GPAT3: variants seen among roughly 807,000 people sequenced by gnomAD.
GPAT3 encodes the protein glycerol-3-phosphate acyltransferase 3, also known as 1-AGP acyltransferase 9.
Under a neutral mutation model 58.8 loss-of-function variants are expected in GPAT3, and 53 were observed. The observed-to-expected ratio is 0.90, with a 90% CI of 0.72 to 1.13. The LOEUF is 1.13. GPAT3 is among the 50% of genes most tolerant of loss of function. The pLI is 0.00. For missense variants in GPAT3, 511 were observed against 527.6 expected, an observed-to-expected ratio of 0.97 and a Z score of 0.31; for synonymous variants, 197 against 187.4, an observed-to-expected ratio of 1.05 and a Z score of -0.42.
intron 3 of GPAT3, among the ~76,000 whole-genome samples, chr4:83,585,040 G>T (rs539419944): frequency 6.6e-6 from 1 of 152,084 alleles, no homozygotes; most frequent in African/African-American, 2.4e-5. Flanking sequence ...TTTAATGGAT[G>T]GGAACAAGTG....
At chr4:83,557,038 A>G (rs895617691) in intron 2 of GPAT3, among the ~76,000 whole-genome samples, 2 of 152,186 alleles carry the variant, frequency 1.3e-5, no homozygotes, top group South Asian at 4.1e-4. Flanking sequence ...CAATAGTCCC[A>G]TTCATGAGGG....
At chr4:83,546,779 A>G (rs746126751) in intron 2 of GPAT3, among the ~76,000 whole-genome samples, 46 of 152,190 alleles carry the variant, frequency 3.0e-4, no homozygotes, top group Non-Finnish European at 4.0e-4. Flanking sequence ...TAGGTGCATA[A>G]GCAAAGGACA....
chr4:83,580,791 AT>A (rs1726083595), intron 2 of GPAT3, among the ~76,000 whole-genome samples: 1 of 152,110 alleles, frequency 6.6e-6, no homozygotes, highest in Non-Finnish European at 1.5e-5. Flanking sequence ...TTCTTATTAA[AT>A]AATTTTCATA....
chr4:83,562,453 T>C (rs946989048), intron 2 of GPAT3, among the ~76,000 whole-genome samples: 6 of 150,956 alleles, frequency 4.0e-5, no homozygotes, highest in African/African-American at 1.5e-4. Flanking sequence ...AGGATGTGTG[T>C]GGGAGAAGTG....
intron 2 of GPAT3, among the ~76,000 whole-genome samples, chr4:83,564,649 C>T (rs375530215): frequency 1.3e-4 from 20 of 151,792 alleles, no homozygotes; most frequent in African/African-American, 4.3e-4. Context: ...CAGTGAGCTG[C>T]GATCACACCA....
At chr4:83,553,626 C>T (rs1240483629) in intron 2 of GPAT3, among the ~76,000 whole-genome samples, 15 of 152,040 alleles carry the variant, frequency 9.9e-5, no homozygotes, top group Non-Finnish European at 1.3e-4. Context: ...AGGCCGGGCA[C>T]GGTGGCTCAT....
rs781332983 is a variant in GPAT3, at chr4:83,581,604, C to G, written c.251C>G (p.Ser84Cys). The change falls in exon 3 of 12, where the codon TCT (serine) becomes TGT (cysteine). Residue 84 changes from serine to cysteine, a missense_variant. Coordinates refer to ENST00000264409, the MANE Select transcript of GPAT3 (RefSeq NM_032717.5). ...RDESPMEKGL[S>C]GLRGRDFELS... Reference sequence around the variant, plus strand: ...GAGTCACCCATGGAAAAAGGGCTCTCTGGTCTACGAGGAAGGGACTTTGAG... The same window carrying G: ...GAGTCACCCATGGAAAAAGGGCTCTGTGGTCTACGAGGAAGGGACTTTGAG... The G allele has an allele frequency of 4.3e-6, 7 of 1,614,016 alleles. No individual in the cohort carries two copies. In the Admixed American group the frequency reaches 8.3e-5, roughly 19 times the overall value.
At chr4:83,597,917 A>T in intron 9 of GPAT3, 134 bp from the exon 10 acceptor site, 1 of 1,029,850 alleles carries the variant, frequency 9.7e-7, no homozygotes, top group Middle Eastern at 3.2e-4. Flanking sequence ...TTTTTTGATA[A>T]ATTCCATCAA....
chr4:83,594,042 A>G (rs1004705606), intron 6 of GPAT3, among the ~76,000 whole-genome samples: 1 of 152,140 alleles, frequency 6.6e-6, no homozygotes, highest in Non-Finnish European at 1.5e-5. Flanking sequence ...TTCTTTTTGT[A>G]GAGATAAACA....
At chr4:83,564,043 T>C (rs1281627696) in intron 2 of GPAT3, among the ~76,000 whole-genome samples, 1 of 152,174 alleles carries the variant, frequency 6.6e-6, no homozygotes, top group African/African-American at 2.4e-5. Flanking sequence ...AGCAATAGGA[T>C]TGCTCTGTCA....
Position 83,536,600 on chromosome 4 carries a change from C to T in GPAT3, c.-23C>T. ...GCGCTCGGCCCTCCACTGCGGACCTCTCCTGAGTGGGTGCGCCGAGTCATG... is the reference window on the plus strand; with the variant it reads ...GCGCTCGGCCCTCCACTGCGGACCTTTCCTGAGTGGGTGCGCCGAGTCATG... On this transcript the variant is annotated 5_prime_UTR_variant, in exon 1 of 12. Coordinates refer to ENST00000264409, the MANE Select transcript of GPAT3 (RefSeq NM_032717.5). The T allele has an allele frequency of 6.2e-7, 1 of 1,609,590 alleles. No homozygotes were observed.
At chr4:83,582,128 A>G (rs1022303563) in intron 3 of GPAT3, among the ~76,000 whole-genome samples, 26 of 151,344 alleles carry the variant, frequency 1.7e-4, no homozygotes, top group South Asian at 2.1e-4. Context: ...GAAGAAGAAG[A>G]AGAGGAAGAG....
chr4:83,537,589 A>ATGTGTGTGTGTG (rs1491311222), intron 1 of GPAT3, among the ~76,000 whole-genome samples: 10 of 125,392 alleles, frequency 8.0e-5, no homozygotes, highest in Admixed American at 2.5e-4. Flanking sequence ...TATATGTATA[A>ATGTGTGTGTGTG]TATGTGTGTG....
chr4:83,581,777 A>T lies in GPAT3; in HGVS notation c.424A>T (p.Thr142Ser), dbSNP rs1726141975. 6.2e-7 allele frequency: 1 copy of T among 1,614,026 alleles called. No individual in the cohort carries two copies. Among genetic ancestry groups the T allele is most frequent in the Non-Finnish European group, 8.5e-7 (1 of 1,180,024 alleles). Residue 142 changes from threonine (T) to serine (S), a missense_variant, in exon 3 of 12, where the codon ACT (threonine) becomes TCT (serine). Coordinates refer to ENST00000264409, the MANE Select transcript of GPAT3 (RefSeq NM_032717.5). The stretch of plus-strand genomic sequence containing the variant: ...TTTCCAGTACATCAGTCTGCGGCTC[A>T]CTATGGTGTGGGTGCTGGGCGTCAT... Reference protein sequence around the residue: ...VNFQYISLRLTMVWVLGVIVR... With the variant: ...VNFQYISLRLSMVWVLGVIVR...
intron 2 of GPAT3, among the ~76,000 whole-genome samples, chr4:83,564,611 A>G (rs1278065901): frequency 6.6e-6 from 1 of 152,110 alleles, no homozygotes; most frequent in African/African-American, 2.4e-5. Context: ...AGGTGGGTGG[A>G]TCACAGGAGC....
At chr4:83,567,797 G>A (rs542167205) in intron 2 of GPAT3, among the ~76,000 whole-genome samples, 30 of 152,144 alleles carry the variant, frequency 2.0e-4, no homozygotes, top group African/African-American at 7.0e-4. Flanking sequence ...AAAAAAGCCT[G>A]GGTCTGGTGC....
At chr4:83,564,609 G>A (rs1725315166) in intron 2 of GPAT3, among the ~76,000 whole-genome samples, 1 of 152,052 alleles carries the variant, frequency 6.6e-6, no homozygotes, top group East Asian at 1.9e-4. Flanking sequence ...TGAGGTGGGT[G>A]GATCACAGGA....
chr4:83,537,591 A>ATGTGTGTGTGTGTGTG (rs113407081), intron 1 of GPAT3, among the ~76,000 whole-genome samples: 1 of 145,174 alleles, frequency 6.9e-6, no homozygotes, highest in South Asian at 2.2e-4. Flanking sequence ...TATGTATAAT[A>ATGTGTGTGTGTGTGTG]TGTGTGTGTG....
intron 4 of GPAT3, 133 bp from the exon 5 acceptor site, chr4:83,588,077 T>C (rs1250916625): frequency 1.5e-6 from 1 of 677,516 alleles, no homozygotes; most frequent in African/African-American, 1.8e-5. Context: ...TATAAGACTA[T>C]AAGAATTGAA....
Sources: allele counts gnomAD v4.1 joint callset (sites outside exome capture counted in the v4.1 genomes callset), GRCh38; gene constraint gnomAD v4.1.1; transcripts MANE v1.5; gene names NCBI Gene and HGNC (gene_info 2026-07-23, HGNC 2026-07-21).